The following LRBA variants were observed in gnomAD, a reference collection of about 807,000 sequenced individuals.
The protein encoded by LRBA is lipopolysaccharide-responsive and beige-like anchor protein.
LRBA carries 176 observed loss-of-function variants against 330.0 expected under a neutral mutation model. That is an observed-to-expected ratio of 0.53 (90% CI 0.47 to 0.60). LRBA has a LOEUF of 0.60. Ranked by LOEUF, LRBA falls within the 20% of genes least tolerant of loss-of-function variation. The pLI, the probability that LRBA is intolerant of heterozygous loss-of-function variation, is 0.00. For missense variants in LRBA, 3,259 were observed against 3,444.8 expected, an observed-to-expected ratio of 0.95 and a Z score of 1.35; for synonymous variants, 1,230 against 1,193.0, an observed-to-expected ratio of 1.03 and a Z score of -0.64.
intron 48 of LRBA, among the ~76,000 whole-genome samples, chr4:150,341,405 C>T (rs1165942369): frequency 6.6e-6 from 1 of 152,030 alleles, no homozygotes; most frequent in Non-Finnish European, 1.5e-5. Context: ...TGCCCTCAAG[C>T]AGTCCTCCTG....
chr4:150,921,716 C>G (rs1201200), intron 4 of LRBA, among the ~76,000 whole-genome samples: 20,082 of 151,974 alleles, frequency 0.13, 2,056 homozygotes, highest in African/African-American at 0.27. Flanking sequence ...GTGTGTGCCA[C>G]CACACCCAGC....
At chr4:150,499,068 C>A (rs1055643931) in intron 40 of LRBA, among the ~76,000 whole-genome samples, 2 of 151,978 alleles carry the variant, frequency 1.3e-5, no homozygotes, top group Non-Finnish European at 2.9e-5. Flanking sequence ...GCTAAGAAAG[C>A]CATTTATCTA....
At chr4:150,295,722 T>C (rs1021061356) in intron 53 of LRBA, among the ~76,000 whole-genome samples, 2 of 152,234 alleles carry the variant, frequency 1.3e-5, no homozygotes, top group Admixed American at 6.5e-5. Flanking sequence ...TACTTACATA[T>C]GTAGCTTCGT....
At chr4:150,589,418 T>C (rs1581756581) in intron 39 of LRBA, among the ~76,000 whole-genome samples, 1 of 152,222 alleles carries the variant, frequency 6.6e-6, no homozygotes, top group South Asian at 2.1e-4. Flanking sequence ...TGTTTGCAGA[T>C]GGGCAGCAGA....
chr4:151,010,808 C>T (rs972545546), intron 2 of LRBA, among the ~76,000 whole-genome samples: 4 of 150,748 alleles, frequency 2.7e-5, no homozygotes, highest in African/African-American at 4.9e-5. Context: ...TGCTTGAATC[C>T]GAGCAGCAGA....
At chr4:150,385,173 C>T (rs1183126132) in intron 47 of LRBA, among the ~76,000 whole-genome samples, 1 of 152,042 alleles carries the variant, frequency 6.6e-6, no homozygotes, top group African/African-American at 2.4e-5. Flanking sequence ...CTTTTCTTTT[C>T]CTTGTAAAAC....
intron 2 of LRBA, among the ~76,000 whole-genome samples, chr4:151,005,905 C>T (rs1239737047): frequency 6.6e-6 from 1 of 152,090 alleles, no homozygotes; most frequent in Non-Finnish European, 1.5e-5. Context: ...TGCCCGGCAA[C>T]ACTGTTCTCT....
intron 40 of LRBA, among the ~76,000 whole-genome samples, chr4:150,578,201 C>T (rs984943142): frequency 2.6e-5 from 4 of 152,186 alleles, no homozygotes; most frequent in Admixed American, 6.5e-5. Flanking sequence ...TTTTCAAGGA[C>T]ATGTTGATAA....
chr4:150,467,554 A>ACTT, intron 44 of LRBA, 119 bp downstream of exon 44: 1 of 580,430 alleles, frequency 1.7e-6, no homozygotes, highest in Non-Finnish European at 3.1e-6. Flanking sequence ...AGAGATAATT[A>ACTT]TATTAAAGGT....
intron 46 of LRBA, among the ~76,000 whole-genome samples, chr4:150,426,748 T>C (rs1219540150): frequency 6.6e-6 from 1 of 151,856 alleles, no homozygotes; most frequent in Non-Finnish European, 1.5e-5. Context: ...CAAAAATATA[T>C]ATGCCCACAA....
At chr4:150,748,671 A>G (rs72738340) in intron 35 of LRBA, among the ~76,000 whole-genome samples, 150 of 126,908 alleles carry the variant, frequency 1.2e-3, no homozygotes, top group Non-Finnish European at 1.7e-3. Context: ...CATCTCACAG[A>G]AAAAAAAAAA....
At chr4:150,565,773 G>A (rs1449869918) in intron 40 of LRBA, among the ~76,000 whole-genome samples, 3 of 152,042 alleles carry the variant, frequency 2.0e-5, no homozygotes, top group Non-Finnish European at 4.4e-5. Context: ...ATTTTATAGT[G>A]TGAAATACAT....
chr4:150,812,326 G>C lies in LRBA; in HGVS notation c.5306-3928C>G, dbSNP rs150523026. ...ACTGATAAACTGGCTCCTTCTAACT[G>C]ACAGTTTTCCAGACATTCAAAAGAA... On this transcript the variant is annotated intron_variant, in intron 31 of 56. Coordinates refer to ENST00000651943, the MANE Select transcript of LRBA (RefSeq NM_001364905.1). Among the ~76,000 whole-genome samples, 252 of 152,198 alleles carry C rather than the reference G, an allele frequency of 1.7e-3. 2 individuals carry two copies. Among genetic ancestry groups the C allele is most frequent in the African/African-American group, 5.9e-3 (245 of 41,524 alleles).
At chr4:150,690,744 G>A (rs1033511511) in intron 36 of LRBA, among the ~76,000 whole-genome samples, 1 of 151,156 alleles carries the variant, frequency 6.6e-6, no homozygotes, top group South Asian at 2.1e-4. Flanking sequence ...ATTCAAACTG[G>A]ATCAAGGATA....
At chr4:150,432,692 G>A (rs186747877) in intron 46 of LRBA, among the ~76,000 whole-genome samples, 2,294 of 151,452 alleles carry the variant, frequency 0.015, 126 homozygotes, top group Admixed American at 0.058. Flanking sequence ...TGATCCGCCC[G>A]CCTCGGCTTC....
chr4:150,479,469 T>C (rs1711055289), intron 42 of LRBA, among the ~76,000 whole-genome samples: 2 of 152,122 alleles, frequency 1.3e-5, no homozygotes, highest in South Asian at 4.1e-4. Context: ...AACTCTGAAA[T>C]CCTCATTAAA....
chr4:150,847,053 T>C (rs2126897181), intron 26 of LRBA, among the ~76,000 whole-genome samples: 1 of 152,266 alleles, frequency 6.6e-6, no homozygotes, highest in South Asian at 2.1e-4. Context: ...TCTAAATATT[T>C]TAATTATAAT....
chr4:150,948,953 G>C (rs1736526657), intron 2 of LRBA, among the ~76,000 whole-genome samples: 1 of 151,858 alleles, frequency 6.6e-6, no homozygotes, highest in South Asian at 2.1e-4. Flanking sequence ...TGGTGAGGAT[G>C]TGGAGAAACT....
chr4:150,952,813 G>T (rs768352588), intron 2 of LRBA, among the ~76,000 whole-genome samples: 1 of 151,982 alleles, frequency 6.6e-6, no homozygotes, highest in South Asian at 2.1e-4. Flanking sequence ...TCTTCCTCCC[G>T]GAGCACAGAC....
Sources: allele counts gnomAD v4.1 joint callset (sites outside exome capture counted in the v4.1 genomes callset), GRCh38; gene constraint gnomAD v4.1.1; transcripts MANE v1.5; gene names NCBI Gene and HGNC (gene_info 2026-07-23, HGNC 2026-07-21).